Variants in FGF13 observed in about 807,000 individuals in gnomAD.
FGF13 encodes fibroblast growth factor homologous factor 2.
A neutral mutation model predicts 19.5 loss-of-function variants in FGF13; 2 were observed. The observed-to-expected ratio is 0.10, with a 90% CI of 0.04 to 0.32. The LOEUF (loss-of-function observed/expected upper bound fraction) is 0.32, where lower values mean the gene tolerates loss of function less well. Ranked by LOEUF, FGF13 falls within the 10% of genes least tolerant of loss-of-function variation. The pLI is 1.00. For synonymous variants in FGF13, 72 were observed against 76.9 expected (o/e 0.94, Z 0.33); for missense variants, 113 against 192.7 (o/e 0.59, Z 2.45).
intron 1 of FGF13, among the ~76,000 whole-genome samples, chrX:138,928,293 T>G (rs1224705570): frequency 9.1e-6 from 1 of 110,224 alleles, no homozygotes; most frequent in Non-Finnish European, 1.9e-5. Context: ...AATAAATACA[T>G]AATTTATAAA....
chrX:139,117,285 T>C (rs2083646677), intron 1 of FGF13, among the ~76,000 whole-genome samples: 2 of 111,465 alleles, frequency 1.8e-5, no homozygotes, highest in Non-Finnish European at 3.8e-5. Context: ...CATCTTACAA[T>C]GCACATGACG....
At chrX:138,828,938 T>C (rs1275492715) in intron 3 of FGF13, among the ~76,000 whole-genome samples, 2 of 111,559 alleles carry the variant, frequency 1.8e-5, no homozygotes, top group East Asian at 2.8e-4. Context: ...AGAACTTAAA[T>C]GGAGAGTACA....
At chrX:139,202,033 C>T (rs1297034675) in intron 1 of FGF13, among the ~76,000 whole-genome samples, 1 of 112,457 alleles carries the variant, frequency 8.9e-6, no homozygotes, top group East Asian at 2.8e-4. Flanking sequence ...GGTGAGTCAA[C>T]ACAAGAAAAT....
intron 1 of FGF13, among the ~76,000 whole-genome samples, chrX:138,871,845 G>C (rs921546877): frequency 8.9e-6 from 1 of 112,025 alleles, no homozygotes; most frequent in Non-Finnish European, 1.9e-5. Context: ...GAGGCCAGAA[G>C]GGTAAAAGGA....
At position 138,625,690 on chromosome X, in the gene FGF13, A is replaced by C. The variant is rs1004932371; in HGVS notation, c.*7160T>G. ...AAAAAGAATCTTAAAAAGTTGAACT[A>C]ATGGAAACAGAGAGTTGAATGGTGG... is the stretch of plus-strand genomic sequence containing the variant. On this transcript the variant is annotated 3_prime_UTR_variant, in exon 5 of 5. Transcript: ENST00000315930. The C allele has an allele frequency of 4.6e-5, 5 of 107,532 alleles. No individual in the cohort carries two copies. Among genetic ancestry groups the C allele is most frequent in the African/African-American group, 1.7e-4 (5 of 29,640 alleles). 8.9% of individuals were successfully genotyped at this position (107,532 alleles called of 1,213,427 possible).
intron 1 of FGF13, among the ~76,000 whole-genome samples, chrX:139,058,570 G>A (rs1193396237): frequency 9.0e-6 from 1 of 111,332 alleles, no homozygotes; most frequent in Non-Finnish European, 1.9e-5. Flanking sequence ...TATATCAGTT[G>A]TTAGAATTGA....
intron 1 of FGF13, among the ~76,000 whole-genome samples, chrX:139,192,856 G>A (rs1350077447): frequency 1.8e-5 from 2 of 111,439 alleles, no homozygotes; most frequent in Non-Finnish European, 3.8e-5. Context: ...GACATACCAC[G>A]AACATGAAAC....
intron 3 of FGF13, among the ~76,000 whole-genome samples, chrX:138,656,370 A>G (rs1301074885): frequency 1.8e-5 from 2 of 112,003 alleles, no homozygotes; most frequent in Admixed American, 1.9e-4. Context: ...AGGACTTTAC[A>G]TATATTATCA....
intron 3 of FGF13, among the ~76,000 whole-genome samples, chrX:138,781,079 C>A (rs759449323): frequency 9.0e-6 from 1 of 110,787 alleles, no homozygotes; most frequent in Admixed American, 9.6e-5. Flanking sequence ...GGGTACATAA[C>A]GAAATGAAGG....
At chrX:139,066,142 A>G (rs2092355555) in intron 1 of FGF13, among the ~76,000 whole-genome samples, 1 of 112,101 alleles carries the variant, frequency 8.9e-6, no homozygotes, top group African/African-American at 3.2e-5. Context: ...AAGACACAAC[A>G]TACTAGAATC....
intron 1 of FGF13, among the ~76,000 whole-genome samples, chrX:139,125,157 G>C (rs1247040305): frequency 9.0e-6 from 1 of 111,678 alleles, no homozygotes; most frequent in African/African-American, 3.3e-5. Flanking sequence ...GAAGTTAAGG[G>C]GGGAAGTCAC....
intron 3 of FGF13, among the ~76,000 whole-genome samples, chrX:138,649,504 G>A (rs2089344938): frequency 9.0e-6 from 1 of 111,442 alleles, no homozygotes; most frequent in South Asian, 3.8e-4. Context: ...TTCCTCTCCT[G>A]CCCAAGTTAT....
At chrX:138,717,842 G>A (rs983117451) in intron 1 of FGF13, among the ~76,000 whole-genome samples, 1 of 110,967 alleles carries the variant, frequency 9.0e-6, no homozygotes, top group Non-Finnish European at 1.9e-5. Flanking sequence ...CTATCTCCTG[G>A]CTTCAAGTGA....
At chrX:138,819,581 C>T (rs2090984864) in intron 3 of FGF13, among the ~76,000 whole-genome samples, 1 of 111,147 alleles carries the variant, frequency 9.0e-6, no homozygotes, top group Non-Finnish European at 1.9e-5. Flanking sequence ...AGCCATTTCC[C>T]AGGTTTGCTT....
At chrX:138,657,499 C>T (rs770022040) in intron 3 of FGF13, among the ~76,000 whole-genome samples, 1 of 112,279 alleles carries the variant, frequency 8.9e-6, no homozygotes, top group Non-Finnish European at 1.9e-5. Flanking sequence ...GAGCTTTTGC[C>T]TCAAGCCACA....
intron 1 of FGF13, among the ~76,000 whole-genome samples, chrX:139,062,410 C>T (rs905237552): frequency 8.0e-5 from 9 of 111,848 alleles, no homozygotes; most frequent in African/African-American, 2.9e-4. Context: ...TTCTGTCCCA[C>T]TAGTCTGTGT....
At chrX:138,834,547 A>G (rs886321327) in intron 3 of FGF13, among the ~76,000 whole-genome samples, 1 of 107,420 alleles carries the variant, frequency 9.3e-6, no homozygotes, top group African/African-American at 3.4e-5. Context: ...TTCCTTCTTT[A>G]TTAGTCTAAC....
chrX:139,200,260 A>C (rs2084405143), intron 1 of FGF13, among the ~76,000 whole-genome samples: 1 of 112,345 alleles, frequency 8.9e-6, no homozygotes, highest in African/African-American at 3.2e-5. Context: ...TGCCTGGCCC[A>C]AGTCTGAGAA....
chrX:139,095,438 A>G (rs2083464582), intron 1 of FGF13, among the ~76,000 whole-genome samples: 1 of 111,878 alleles, frequency 8.9e-6, no homozygotes, highest in African/African-American at 3.3e-5. Context: ...AGCCGGGCAG[A>G]GGTTACTCAC....
Sources: gnomAD v4.1 joint callset for allele counts (sites outside exome capture counted in the v4.1 genomes callset) on GRCh38, gnomAD v4.1.1 for gene constraint, MANE v1.5 for transcripts, NCBI Gene and HGNC (gene_info 2026-07-23, HGNC 2026-07-21) for gene names.